Variants in GALNT13 observed in about 807,000 individuals in gnomAD.
The protein encoded by GALNT13 is polypeptide N-acetylgalactosaminyltransferase 13, also known as UDP-GalNAc:polypeptide N-acetylgalactosaminyltransferase 13.
Under a neutral mutation model 64.2 loss-of-function variants are expected in GALNT13, and 28 were observed. The ratio of observed to expected loss-of-function variants is 0.44; its 90% CI spans 0.32 to 0.60. The LOEUF is 0.60. Ranked by LOEUF, GALNT13 falls within the 20% of genes least tolerant of loss-of-function variation. The pLI is 0.05. For synonymous variants in GALNT13, 214 were observed against 224.6 expected, an observed-to-expected ratio of 0.95 and a Z score of 0.42; for missense variants, 577 against 669.8, an observed-to-expected ratio of 0.86 and a Z score of 1.53.
In GALNT13 at chr2:154,451,488, AT is replaced by A. The variant is rs1220962321; in HGVS notation, c.*941del. 6.6e-6 allele frequency: 1 copy of A among 152,094 alleles called. No homozygotes were observed. Among genetic ancestry groups the A allele is most frequent in the East Asian group, 1.9e-4 (1 of 5,182 alleles). 9.4% of individuals were successfully genotyped at this position (152,094 alleles called of 1,614,324 possible). A position where few individuals can be genotyped will look rare whatever the true frequency, so the allele number is the denominator to read the frequency against. On this transcript the variant is annotated 3_prime_UTR_variant, in exon 13 of 13. Coordinates refer to ENST00000392825, the MANE Select transcript of GALNT13 (RefSeq NM_052917.4). ...ATTTTTAACTCTATTGCACTTAAAG[AT>A]TTTAGTTAGGTTACCACTGTCATTT...
chr2:154,046,098 A>G (rs906579901), intron 3 of GALNT13, among the ~76,000 whole-genome samples: 5 of 152,082 alleles, frequency 3.3e-5, no homozygotes, highest in Non-Finnish European at 7.4e-5. Flanking sequence ...ACTTGAGACC[A>G]GGAGTTGGAG....
chr2:154,192,337 G>A (rs944525173), intron 4 of GALNT13, among the ~76,000 whole-genome samples: 1 of 152,146 alleles, frequency 6.6e-6, no homozygotes, highest in Non-Finnish European at 1.5e-5. Context: ...ATCTGGGTGC[G>A]AAGCCAGGAG....
intron 9 of GALNT13, among the ~76,000 whole-genome samples, chr2:154,332,432 A>T (rs1449218661): frequency 6.6e-6 from 1 of 152,116 alleles, no homozygotes; most frequent in Non-Finnish European, 1.5e-5. Context: ...CCACAAAAAA[A>T]AATTGAGTAT....
chr2:153,111,563 A>G, the GALNT13 span, among the ~76,000 whole-genome samples: 1 of 152,116 alleles, frequency 6.6e-6, no homozygotes, highest in African/African-American at 2.4e-5. Flanking sequence ...TTAAAGCAAC[A>G]TTACTAGGCA....
the GALNT13 span, among the ~76,000 whole-genome samples, chr2:153,277,367 G>T: frequency 6.6e-6 from 1 of 152,052 alleles, no homozygotes; most frequent in Non-Finnish European, 1.5e-5. Context: ...CATCTATTTT[G>T]TTGCAAAGTA....
At chr2:153,860,030 A>G in the GALNT13 span, among the ~76,000 whole-genome samples, 1 of 152,218 alleles carries the variant, frequency 6.6e-6, no homozygotes, top group African/African-American at 2.4e-5. Flanking sequence ...GTGAATAAAG[A>G]AGTCCTATAT....
the GALNT13 span, among the ~76,000 whole-genome samples, chr2:153,365,052 C>G: frequency 6.6e-6 from 1 of 152,122 alleles, no homozygotes; most frequent in African/African-American, 2.4e-5. Flanking sequence ...ACATATAGAT[C>G]AATGGAACAG....
At chr2:153,298,734 G>C in the GALNT13 span, among the ~76,000 whole-genome samples, 1 of 152,124 alleles carries the variant, frequency 6.6e-6, no homozygotes, top group Non-Finnish European at 1.5e-5. Flanking sequence ...ACAGAAAGAT[G>C]GGGTAATGCT....
the GALNT13 span, among the ~76,000 whole-genome samples, chr2:153,091,225 C>G: frequency 6.6e-6 from 1 of 152,030 alleles, no homozygotes; most frequent in Non-Finnish European, 1.5e-5. Flanking sequence ...GCTGCCTTCC[C>G]CAAGAACCCC....
At chr2:154,046,233 G>A (rs545054727) in intron 3 of GALNT13, among the ~76,000 whole-genome samples, 34 of 152,306 alleles carry the variant, frequency 2.2e-4, no homozygotes, top group Admixed American at 1.1e-3. Flanking sequence ...GCTGAAGCAG[G>A]AGGATTGCTG....
chr2:153,664,345 A>G, the GALNT13 span, among the ~76,000 whole-genome samples: 1 of 152,198 alleles, frequency 6.6e-6, no homozygotes, highest in East Asian at 1.9e-4. Flanking sequence ...TTGCAAAAAG[A>G]GAAATATGAC....
the GALNT13 span, among the ~76,000 whole-genome samples, chr2:153,492,927 CAA>C: frequency 1.3e-5 from 2 of 148,526 alleles, no homozygotes; most frequent in African/African-American, 4.9e-5. Flanking sequence ...ATTTAACAAA[CAA>C]TTTCTAAATT....
chr2:153,801,733 G>A, the GALNT13 span, among the ~76,000 whole-genome samples: 1 of 152,096 alleles, frequency 6.6e-6, no homozygotes, highest in Non-Finnish European at 1.5e-5. Context: ...GAAAATTGGT[G>A]CCAATAGGCT....
At chr2:153,525,421 C>T in the GALNT13 span, among the ~76,000 whole-genome samples, 85 of 152,218 alleles carry the variant, frequency 5.6e-4, 1 homozygote, top group East Asian at 0.013. Flanking sequence ...TTGGCCACAG[C>T]GGGATAGAGC....
intron 1 of GALNT13, among the ~76,000 whole-genome samples, chr2:153,882,585 C>G (rs571699624): frequency 3.9e-5 from 6 of 151,916 alleles, no homozygotes; most frequent in Middle Eastern, 3.4e-3. Flanking sequence ...ACAAGACCCA[C>G]TCAAGTTCAC....
chr2:153,548,424 G>C, the GALNT13 span, among the ~76,000 whole-genome samples: 1 of 152,156 alleles, frequency 6.6e-6, no homozygotes, highest in Non-Finnish European at 1.5e-5. Flanking sequence ...TAAACCAAAA[G>C]ATATTAAGGG....
chr2:153,269,529 C>T, the GALNT13 span, among the ~76,000 whole-genome samples: 129 of 152,204 alleles, frequency 8.5e-4, no homozygotes, highest in Non-Finnish European at 4.0e-4. Context: ...AACTTTCCCA[C>T]ATTTTCCTGT....
intron 9 of GALNT13, among the ~76,000 whole-genome samples, chr2:154,350,277 A>G (rs1696319313): frequency 6.6e-6 from 1 of 152,200 alleles, no homozygotes; most frequent in Admixed American, 6.5e-5. Flanking sequence ...ACCCATCCTC[A>G]ATATGAGTGA....
intron 4 of GALNT13, among the ~76,000 whole-genome samples, chr2:154,180,068 A>C (rs997016216): frequency 6.6e-6 from 1 of 152,306 alleles, no homozygotes; most frequent in Middle Eastern, 3.4e-3. Context: ...CAGCATGAAT[A>C]CCAATTTATG....
Sources: allele counts gnomAD v4.1 joint callset (sites outside exome capture counted in the v4.1 genomes callset), GRCh38; gene constraint gnomAD v4.1.1; transcripts MANE v1.5; gene names NCBI Gene and HGNC (gene_info 2026-07-23, HGNC 2026-07-21).